The following KANSL1 variants were observed in gnomAD, a reference collection of about 807,000 sequenced individuals.
KANSL1 encodes KAT8 regulatory NSL complex subunit 1.
A neutral mutation model predicts 103.6 loss-of-function variants in KANSL1; 22 were observed. That is an observed-to-expected ratio of 0.21 (90% CI 0.15 to 0.30). KANSL1 has a LOEUF of 0.30. Ranked by LOEUF, KANSL1 falls within the 10% of genes least tolerant of loss-of-function variation. The pLI is 1.00. For synonymous variants in KANSL1, 600 were observed against 527.6 expected, an observed-to-expected ratio of 1.14 and a Z score of -1.88; for missense variants, 1,337 against 1,399.8, an observed-to-expected ratio of 0.96 and a Z score of 0.72.
Position 46,039,543 on chromosome 17 carries a change from G to C in KANSL1, c.2203+159C>G, listed in dbSNP as rs995181923. The stretch of plus-strand genomic sequence containing the variant: ...AATAGCTCCCGAAGTCCATCTGAGA[G>C]CATCCAAGACAAGCAGAAGCAGTCA... On this transcript the variant is annotated intron_variant, in intron 8 of 14. Coordinates refer to ENST00000432791, the MANE Select transcript of KANSL1 (RefSeq NM_015443.4). The C allele has an allele frequency of 2.3e-5, 18 of 773,104 alleles. No individual in the cohort carries two copies. In the African/African-American group the frequency reaches 3.0e-4, roughly 13 times the overall value. The allele number at this position is 773,104 out of a possible 1,614,324, so 47.9% of individuals were successfully genotyped here. A position where few individuals can be genotyped will look rare whatever the true frequency, so the allele number is the denominator to read the frequency against.
chr17:46,110,358 C>T (rs2042750170), intron 2 of KANSL1, among the ~76,000 whole-genome samples: 1 of 152,200 alleles, frequency 6.6e-6, no homozygotes, highest in South Asian at 2.1e-4. Flanking sequence ...AAACACTGGT[C>T]TGGCACATTA....
At chr17:46,080,896 C>T (rs758851717) in intron 4 of KANSL1, among the ~76,000 whole-genome samples, 2 of 152,114 alleles carry the variant, frequency 1.3e-5, no homozygotes, top group Non-Finnish European at 2.9e-5. Flanking sequence ...CATTCTATTG[C>T]ACAATGTTGA....
intron 2 of KANSL1, among the ~76,000 whole-genome samples, chr17:46,116,488 C>G (rs753759329): frequency 6.6e-6 from 1 of 152,156 alleles, no homozygotes; most frequent in South Asian, 2.1e-4. Flanking sequence ...CGAGATGGCA[C>G]CAATGCACTC....
In KANSL1 at chr17:46,031,153, G is replaced by C. The variant is rs1482009195; in HGVS notation, c.*323C>G. The stretch of plus-strand genomic sequence containing the variant: ...TGTTCTGCCCTGCCCACAGGTGTGA[G>C]GGAGGGGGTGGTCATCTAAGATCAG... On this transcript the variant is annotated 3_prime_UTR_variant, in exon 15 of 15. Coordinates refer to ENST00000432791, the MANE Select transcript of KANSL1 (RefSeq NM_015443.4). 2.5e-6 allele frequency: 1 copy of C among 406,586 alleles called. No homozygotes were observed. Among genetic ancestry groups the C allele is most frequent in the African/African-American group, 2.0e-5 (1 of 50,164 alleles). The allele number at this position is 406,586 out of a possible 1,614,324, so 25.2% of individuals were successfully genotyped here.
At chr17:46,096,850 C>CTCA (rs2042109732) in intron 2 of KANSL1, among the ~76,000 whole-genome samples, 1 of 152,056 alleles carries the variant, frequency 6.6e-6, no homozygotes, top group South Asian at 2.1e-4. Context: ...ATCTCCTGAC[C>CTCA]TCATGATCCA....
intron 1 of KANSL1, among the ~76,000 whole-genome samples, chr17:46,212,897 A>G (rs1208022403): frequency 2.6e-5 from 4 of 152,270 alleles, no homozygotes; most frequent in African/African-American, 7.2e-5. Context: ...TATGTCATTT[A>G]ATCTGCATTC....
intron 2 of KANSL1, among the ~76,000 whole-genome samples, chr17:46,147,573 A>T (rs77015737): frequency 1.1e-3 from 48 of 42,676 alleles, no homozygotes; most frequent in Admixed American, 3.8e-3. Flanking sequence ...GAGACTCTTT[A>T]AAAAAAAAAA....
At chr17:46,115,549 A>G (rs886576945) in intron 2 of KANSL1, among the ~76,000 whole-genome samples, 1 of 152,212 alleles carries the variant, frequency 6.6e-6, no homozygotes, top group African/African-American at 2.4e-5. Context: ...GAACGAAGAT[A>G]ACTTTAGATA....
At chr17:46,174,326 A>T (rs2046422439) in intron 1 of KANSL1, among the ~76,000 whole-genome samples, 1 of 152,148 alleles carries the variant, frequency 6.6e-6, no homozygotes, top group South Asian at 2.1e-4. Context: ...CTGGGACTAC[A>T]GGCACGTGCC....
chr17:46,190,269 G>A (rs530066543), intron 1 of KANSL1, among the ~76,000 whole-genome samples: 3 of 152,178 alleles, frequency 2.0e-5, no homozygotes, highest in Non-Finnish European at 4.4e-5. Context: ...AGTGAACTAA[G>A]GCCTACTCAT....
upstream of KANSL1, among the ~76,000 whole-genome samples, chr17:46,198,670 T>C (rs895081687): frequency 2.0e-5 from 3 of 152,232 alleles, no homozygotes; most frequent in African/African-American, 7.2e-5. Context: ...AGGTGGAGGA[T>C]GCAGTGAGCC....
intron 4 of KANSL1, among the ~76,000 whole-genome samples, chr17:46,077,372 A>AT (rs1252687378): frequency 2.6e-5 from 4 of 151,946 alleles, no homozygotes; most frequent in South Asian, 2.1e-4. Flanking sequence ...TTTAGGATAT[A>AT]TTTTTTTCCT....
chr17:46,060,117 C>CAGG (rs1257048912), intron 6 of KANSL1, among the ~76,000 whole-genome samples: 8 of 152,204 alleles, frequency 5.3e-5, no homozygotes, highest in Non-Finnish European at 1.0e-4. Context: ...AAGAAATACT[C>CAGG]AATTTAATAC....
intron 3 of KANSL1, among the ~76,000 whole-genome samples, chr17:46,092,419 C>A (rs541775345): frequency 6.6e-6 from 1 of 152,210 alleles, no homozygotes; most frequent in South Asian, 2.1e-4. Context: ...ACTGACACTG[C>A]CAAAATACTT....
At chr17:46,100,467 C>G (rs569150917) in intron 2 of KANSL1, among the ~76,000 whole-genome samples, 1 of 140,734 alleles carries the variant, frequency 7.1e-6, no homozygotes, top group South Asian at 2.1e-4. Context: ...AAAAAGCGCC[C>G]TCTATAAACA....
At chr17:46,095,670 C>T (rs1156247683) in intron 2 of KANSL1, among the ~76,000 whole-genome samples, 1 of 152,166 alleles carries the variant, frequency 6.6e-6, no homozygotes, top group East Asian at 1.9e-4. Context: ...GAGCAGGGAG[C>T]ATTTCTTAGA....
chr17:46,038,719 T>C (rs746835116), intron 9 of KANSL1, 33 bp from the exon 10 acceptor site: 44 of 1,612,834 alleles, frequency 2.7e-5, no homozygotes, highest in Admixed American at 5.0e-5. Flanking sequence ...GAGAAATACA[T>C]GGCTATCTTA....
intron 4 of KANSL1, among the ~76,000 whole-genome samples, chr17:46,077,682 C>G (rs969318015): frequency 6.6e-6 from 1 of 152,042 alleles, no homozygotes; most frequent in Non-Finnish European, 1.5e-5. Flanking sequence ...TTCAGCCTCC[C>G]GAGTAGCTGG....
chr17:46,076,024 T>C (rs2078754211), intron 4 of KANSL1, among the ~76,000 whole-genome samples: 1 of 152,232 alleles, frequency 6.6e-6, no homozygotes, highest in South Asian at 2.1e-4. Context: ...CTACTTAGTC[T>C]TTCAGACACA....
Sources: allele counts gnomAD v4.1 joint callset (sites outside exome capture counted in the v4.1 genomes callset), GRCh38; gene constraint gnomAD v4.1.1; transcripts MANE v1.5; gene names NCBI Gene and HGNC (gene_info 2026-07-23, HGNC 2026-07-21).